SELENOT: variants seen among roughly 807,000 people sequenced by gnomAD.
The protein encoded by SELENOT is selenoprotein T, also known as thioredoxin reductase-like selenoprotein T.
Under a neutral mutation model 24.3 loss-of-function variants are expected in SELENOT, and 9 were observed. The ratio of observed to expected loss-of-function variants is 0.37; its 90% CI spans 0.22 to 0.65. The LOEUF (loss-of-function observed/expected upper bound fraction) is 0.65, where lower values mean the gene tolerates loss of function less well. Among genes scored for constraint, SELENOT ranks in the 30% least tolerant of loss-of-function variants. SELENOT has a pLI of 0.60. For synonymous variants in SELENOT, 81 were observed against 86.0 expected (o/e 0.94, Z 0.32); for missense variants, 166 against 247.6 (o/e 0.67, Z 2.21).
intron 1 of SELENOT, among the ~76,000 whole-genome samples, chr3:150,604,470 C>G (rs1725913879): frequency 6.6e-6 from 1 of 152,126 alleles, no homozygotes; most frequent in African/African-American, 2.4e-5. Context: ...CCCAGAATAG[C>G]CAGATTAGTA....
intron 1 of SELENOT, among the ~76,000 whole-genome samples, chr3:150,608,008 T>TGA (rs1458018404): frequency 6.6e-6 from 1 of 152,212 alleles, no homozygotes; most frequent in Non-Finnish European, 1.5e-5. Flanking sequence ...GAGATGTATT[T>TGA]GAGAGATCTT....
chr3:150,614,869 TTTA>T (rs1056099812), intron 1 of SELENOT, among the ~76,000 whole-genome samples: 18 of 151,656 alleles, frequency 1.2e-4, no homozygotes, highest in South Asian at 2.1e-4. Context: ...ATTATTATTT[TTTA>T]TTATTATTAT....
At chr3:150,622,358 T>G in intron 1 of SELENOT, 27 bp from the exon 2 acceptor site, 4 of 1,159,466 alleles carry the variant, frequency 3.4e-6, no homozygotes, top group Non-Finnish European at 4.7e-6. Context: ...GCTAAATGAC[T>G]TAATGGAAAC....
chr3:150,603,554 T>C, intron 1 of SELENOT, 55 bp downstream of exon 1: 1 of 1,509,906 alleles, frequency 6.6e-7, no homozygotes, highest in Non-Finnish European at 8.9e-7. Context: ...TCGGCGCCAT[T>C]GGCTACGCGA....
At chr3:150,625,870 C>CTTT (rs34698339) in intron 4 of SELENOT, among the ~76,000 whole-genome samples, 58 of 139,292 alleles carry the variant, frequency 4.2e-4, no homozygotes, top group Admixed American at 5.1e-4. Context: ...TAAACAATAA[C>CTTT]TTTTTTTTTT....
At chr3:150,626,983 G>T (rs1241236088) in intron 4 of SELENOT, 27 bp from the exon 5 acceptor site, 3 of 1,598,440 alleles carry the variant, frequency 1.9e-6, no homozygotes, top group African/African-American at 1.4e-5. Context: ...TTAATTTTTT[G>T]GGGGGCGGTG....
intron 1 of SELENOT, among the ~76,000 whole-genome samples, chr3:150,604,013 C>T (rs1036273268): frequency 1.3e-5 from 2 of 152,344 alleles, no homozygotes; most frequent in South Asian, 4.1e-4. Flanking sequence ...CGTTTTTCTC[C>T]TGAACTTGCT....
rs781605334 is a variant in SELENOT, at chr3:150,603,400, C to T, written c.38C>T (p.Ala13Val). 2 of 1,613,078 alleles carry T rather than the reference C, an allele frequency of 1.2e-6. No homozygotes were observed. Among genetic ancestry groups the T allele is most frequent in the Non-Finnish European group, 1.7e-6 (2 of 1,179,270 alleles). The part of the protein sequence containing the change: ...LLLLLLVAAS[A>V]MVRSEASANL... Reference sequence around the variant, plus strand: ...CTGCTTCTCCTAGTGGCGGCGTCTGCGATGGTCCGGAGCGAGGCCTCGGCC... The same window carrying T: ...CTGCTTCTCCTAGTGGCGGCGTCTGTGATGGTCCGGAGCGAGGCCTCGGCC... Residue 13 changes from alanine to valine, a missense_variant, in exon 1 of 6, where the codon GCG becomes GTG. Ala to Val is a moderately conservative substitution (Grantham distance 64, BLOSUM62 0). Coordinates refer to ENST00000471696, the MANE Select transcript of SELENOT (RefSeq NM_016275.5).
chr3:150,611,116 A>C (rs1327593706), intron 1 of SELENOT: 2 of 555,284 alleles, frequency 3.6e-6, no homozygotes, highest in Non-Finnish European at 6.3e-6. Flanking sequence ...ATTTTACATG[A>C]GTTTCCAACT....
intron 1 of SELENOT, among the ~76,000 whole-genome samples, chr3:150,605,720 G>A (rs1472290111): frequency 6.6e-6 from 1 of 151,992 alleles, no homozygotes; most frequent in African/African-American, 2.4e-5. Context: ...GTTGTTTGTT[G>A]CTTTTCCCCC....
At chr3:150,611,640 A>T in intron 1 of SELENOT, 2 of 1,580,226 alleles carry the variant, frequency 1.3e-6, no homozygotes, top group South Asian at 2.2e-5. Flanking sequence ...CTTCTGGGAT[A>T]TGCTCTTCTG....
At chr3:150,626,227 A>G (rs1310286808) in intron 4 of SELENOT, among the ~76,000 whole-genome samples, 1 of 152,128 alleles carries the variant, frequency 6.6e-6, no homozygotes, top group African/African-American at 2.4e-5. Flanking sequence ...AGTGTTCCCA[A>G]TTCATTAAAT....
chr3:150,619,768 C>G (rs1339576658), intron 1 of SELENOT, among the ~76,000 whole-genome samples: 1 of 152,170 alleles, frequency 6.6e-6, no homozygotes, highest in Non-Finnish European at 1.5e-5. Flanking sequence ...ATACCTTTAA[C>G]ATTTGTCCAC....
At chr3:150,618,688 A>AT (rs1216809678) in intron 1 of SELENOT, 3 of 153,522 alleles carry the variant, frequency 2.0e-5, no homozygotes, top group South Asian at 2.0e-4. Flanking sequence ...TACCTGGCTA[A>AT]TTTTTTCTTT....
At chr3:150,606,952 C>T (rs1449953850) in intron 1 of SELENOT, among the ~76,000 whole-genome samples, 15 of 152,088 alleles carry the variant, frequency 9.9e-5, no homozygotes, top group Non-Finnish European at 1.5e-5. Context: ...TTGATAGTTA[C>T]TCTTAGGCAT....
At chr3:150,619,220 C>CAAA (rs761458301) in intron 1 of SELENOT, among the ~76,000 whole-genome samples, 10 of 80,452 alleles carry the variant, frequency 1.2e-4, no homozygotes, top group South Asian at 4.3e-4. Flanking sequence ...GACTCCGTCT[C>CAAA]AAAAAAAAAA....
chr3:150,617,223 T>TTGCCAACC (rs1726237170), intron 1 of SELENOT, among the ~76,000 whole-genome samples: 1 of 152,236 alleles, frequency 6.6e-6, no homozygotes, highest in Non-Finnish European at 1.5e-5. Flanking sequence ...TTCTCATCTC[T>TTGCCAACC]TGCCAACCTG....
chr3:150,608,539 G>A (rs2108005228), intron 1 of SELENOT, among the ~76,000 whole-genome samples: 1 of 152,242 alleles, frequency 6.6e-6, no homozygotes, highest in Non-Finnish European at 1.5e-5. Flanking sequence ...AGGCTGAGGT[G>A]GGAGGATTGC....
At chr3:150,611,756 C>A in intron 1 of SELENOT, 1 of 1,383,920 alleles carries the variant, frequency 7.2e-7, no homozygotes, top group Non-Finnish European at 1.0e-6. Flanking sequence ...CCCCAGGGGC[C>A]CAGCCGCTGA....
Sources: gnomAD v4.1 joint callset for allele counts (sites outside exome capture counted in the v4.1 genomes callset) on GRCh38, gnomAD v4.1.1 for gene constraint, MANE v1.5 for transcripts, NCBI Gene and HGNC (gene_info 2026-07-23, HGNC 2026-07-21) for gene names.